SH3RF1: variants seen among roughly 807,000 people sequenced by gnomAD.
SH3RF1 encodes the protein E3 ubiquitin-protein ligase SH3RF1.
SH3RF1 carries 32 observed loss-of-function variants against 74.0 expected under a neutral mutation model. That is an observed-to-expected ratio of 0.43 (90% CI 0.33 to 0.58). The LOEUF is 0.58. Ranked by LOEUF, SH3RF1 falls within the 20% of genes least tolerant of loss-of-function variation. SH3RF1 has a pLI of 0.05. For synonymous variants in SH3RF1, 396 were observed against 439.6 expected (o/e 0.90, Z 1.24); for missense variants, 954 against 1,130.9 (o/e 0.84, Z 2.24).
At chr4:169,180,986 A>C (rs1195657558) in intron 2 of SH3RF1, among the ~76,000 whole-genome samples, 3 of 152,106 alleles carry the variant, frequency 2.0e-5, no homozygotes, top group Admixed American at 2.0e-4. Context: ...TTTACTCACA[A>C]ATTCGCTCTA....
chr4:169,097,482 T>C (rs1368233954), intron 11 of SH3RF1, among the ~76,000 whole-genome samples: 3 of 152,208 alleles, frequency 2.0e-5, no homozygotes, highest in Admixed American at 1.3e-4. Flanking sequence ...TGGCAGAAGC[T>C]TAGTTGGTTT....
chr4:169,226,238 G>A (rs780205038), intron 2 of SH3RF1, among the ~76,000 whole-genome samples: 2 of 152,122 alleles, frequency 1.3e-5, no homozygotes, highest in Non-Finnish European at 2.9e-5. Flanking sequence ...TGCAAATCAC[G>A]CTATAGATAA....
chr4:169,200,258 C>T (rs1176459686), intron 2 of SH3RF1, among the ~76,000 whole-genome samples: 1 of 152,054 alleles, frequency 6.6e-6, no homozygotes, highest in Admixed American at 6.6e-5. Context: ...GTAGTAATGC[C>T]AAATAAAAGT....
At position 169,194,467 on chromosome 4, in the gene SH3RF1, T is replaced by C. The variant is rs143837840; in HGVS notation, c.394-37788A>G. Among the ~76,000 whole-genome samples, 106 of 152,368 alleles carry C rather than the reference T, an allele frequency of 7.0e-4. 1 individual carries two copies. Among genetic ancestry groups the C allele is most frequent in the Admixed American group, 5.1e-3 (78 of 15,300 alleles). ...TTTAAAATGTTATTTAAATGGATCA[T>C]GCAGGCTGTATTCTTTTGTGTCTGG... On this transcript the variant is annotated intron_variant, in intron 2 of 11. Transcript: ENST00000284637.
intron 11 of SH3RF1, among the ~76,000 whole-genome samples, chr4:169,097,782 G>A (rs1242032918): frequency 1.3e-5 from 2 of 152,156 alleles, no homozygotes; most frequent in Admixed American, 1.3e-4. Flanking sequence ...CCAATAAAAT[G>A]TTGCAGAAAT....
chr4:169,153,855 C>A (rs1407086526), intron 4 of SH3RF1, among the ~76,000 whole-genome samples: 1 of 152,184 alleles, frequency 6.6e-6, no homozygotes, highest in African/African-American at 2.4e-5. Flanking sequence ...ATCTTTCCAA[C>A]TTAAGTCAGA....
intron 2 of SH3RF1, among the ~76,000 whole-genome samples, chr4:169,209,063 G>T (rs75494963): frequency 0.059 from 8,906 of 152,216 alleles, 430 homozygotes; most frequent in Admixed American, 0.15. Flanking sequence ...GCTGAGGAAG[G>T]TGATCACTTG....
chr4:169,204,968 G>T (rs1730224577), intron 2 of SH3RF1, among the ~76,000 whole-genome samples: 1 of 152,174 alleles, frequency 6.6e-6, no homozygotes, highest in African/African-American at 2.4e-5. Context: ...CGAGAGGACT[G>T]AAGTTTCTTT....
chr4:169,170,867 G>A (rs1434949137), intron 2 of SH3RF1, among the ~76,000 whole-genome samples: 8 of 152,072 alleles, frequency 5.3e-5, no homozygotes, highest in African/African-American at 7.2e-5. Flanking sequence ...TCAGAGATAC[G>A]GAAAACAGCT....
chr4:169,116,478 T>C lies in SH3RF1; in HGVS notation c.1930A>G (p.Thr644Ala). 6.2e-7 allele frequency: 1 copy of C among 1,613,646 alleles called. No individual in the cohort carries two copies. Among genetic ancestry groups the C allele is most frequent in the Non-Finnish European group, 8.5e-7 (1 of 1,179,812 alleles). Reference sequence around the variant, plus strand: ...GCTCGACTGATACTGATGGCAGCAGTGTGCGTGGCTGAGCCTGGCATCAGA... The same window carrying C: ...GCTCGACTGATACTGATGGCAGCAGCGTGCGTGGCTGAGCCTGGCATCAGA... ...APLMPGSATH[T>A]AAISISRASA... is the part of the protein sequence containing the mutation. Residue 644 changes from threonine to alanine, a missense_variant, in exon 10 of 12, where the codon ACT becomes GCT. Around this residue, in one of 3 missense-constraint regions of SH3RF1, gnomAD observed 854 missense variants for 962.5 expected, o/e 0.89. Coordinates refer to ENST00000284637, the MANE Select transcript of SH3RF1 (RefSeq NM_020870.4).
At chr4:169,132,348 C>A (rs1251112686) in intron 5 of SH3RF1, among the ~76,000 whole-genome samples, 1 of 152,224 alleles carries the variant, frequency 6.6e-6, no homozygotes, top group African/African-American at 2.4e-5. Context: ...TAAGTCCCTT[C>A]ATGTCTCTAG....
At chr4:169,249,343 T>C (rs1007541411) in intron 2 of SH3RF1, among the ~76,000 whole-genome samples, 1 of 152,254 alleles carries the variant, frequency 6.6e-6, no homozygotes, top group African/African-American at 2.4e-5. Flanking sequence ...AGCTTGCCCA[T>C]AGAGGGCCAT....
intron 11 of SH3RF1, among the ~76,000 whole-genome samples, chr4:169,100,761 T>A (rs1454431444): frequency 2.0e-5 from 3 of 152,232 alleles, no homozygotes; most frequent in Non-Finnish European, 2.9e-5. Context: ...AAGCCCTTGG[T>A]GATCAGGCCC....
At chr4:169,184,972 A>G (rs1734579461) in intron 2 of SH3RF1, among the ~76,000 whole-genome samples, 1 of 152,222 alleles carries the variant, frequency 6.6e-6, no homozygotes. Context: ...TTACAGGACC[A>G]CGAGGATAAA....
At chr4:169,230,835 GAC>G (rs1480230227) in intron 2 of SH3RF1, among the ~76,000 whole-genome samples, 12 of 133,248 alleles carry the variant, frequency 9.0e-5, no homozygotes, top group African/African-American at 3.4e-4. Flanking sequence ...CAGCGTAGAT[GAC>G]AGAGTGAGAA....
intron 2 of SH3RF1, among the ~76,000 whole-genome samples, chr4:169,191,549 T>C (rs1231759541): frequency 6.6e-6 from 1 of 151,986 alleles, no homozygotes; most frequent in Non-Finnish European, 1.5e-5. Flanking sequence ...AACAATTCTA[T>C]AATTCATGTG....
chr4:169,242,589 T>C (rs1414306219), intron 2 of SH3RF1, among the ~76,000 whole-genome samples: 1 of 152,204 alleles, frequency 6.6e-6, no homozygotes, highest in African/African-American at 2.4e-5. Context: ...ATCATTTGAA[T>C]GTGTCACCCA....
At chr4:169,129,956 A>G in intron 6 of SH3RF1, 90 bp downstream of exon 6, 1 of 936,812 alleles carries the variant, frequency 1.1e-6, no homozygotes, top group Non-Finnish European at 1.7e-6. Flanking sequence ...AAGTATGAAC[A>G]TACGCTGCAG....
intron 11 of SH3RF1, among the ~76,000 whole-genome samples, chr4:169,100,231 A>C (rs1373457954): frequency 6.6e-6 from 1 of 152,184 alleles, no homozygotes; most frequent in African/African-American, 2.4e-5. Flanking sequence ...ATACTCTCCC[A>C]TGACCTACAT....
Sources: gnomAD v4.1 joint callset for allele counts (sites outside exome capture counted in the v4.1 genomes callset) on GRCh38, gnomAD v4.1.1 for gene constraint, gnomAD v4.1.1 regional missense constraint, MANE v1.5 for transcripts, NCBI Gene and HGNC (gene_info 2026-07-23, HGNC 2026-07-21) for gene names.